Variants in AGBL4 observed in about 807,000 individuals in gnomAD.
AGBL4 encodes AGBL carboxypeptidase 4.
A neutral mutation model predicts 66.4 loss-of-function variants in AGBL4; 58 were observed. The ratio of observed to expected loss-of-function variants is 0.87; its 90% CI spans 0.71 to 1.09. AGBL4 has a LOEUF of 1.09. Among genes scored for constraint, AGBL4 ranks in the 50% least tolerant of loss-of-function variants. AGBL4 has a pLI of 0.00. For missense variants in AGBL4, 579 were observed against 631.0 expected (o/e 0.92, Z 0.88); for synonymous variants, 234 against 222.9 (o/e 1.05, Z -0.44).
chr1:49,076,442 T>C (rs1187888400), intron 4 of AGBL4, among the ~76,000 whole-genome samples: 1 of 152,210 alleles, frequency 6.6e-6, no homozygotes, highest in Non-Finnish European at 1.5e-5. Context: ...GGAGGCCCAA[T>C]TGTATACATT....
At chr1:49,302,806 T>C (rs1358904607) in intron 3 of AGBL4, among the ~76,000 whole-genome samples, 1 of 151,856 alleles carries the variant, frequency 6.6e-6, no homozygotes, top group Non-Finnish European at 1.5e-5. Flanking sequence ...TTTATCCTGA[T>C]GTTCTCCCTC....
chr1:49,716,866 A>G (rs1471975294), intron 2 of AGBL4, among the ~76,000 whole-genome samples: 1 of 152,172 alleles, frequency 6.6e-6, no homozygotes, highest in African/African-American at 2.4e-5. Context: ...GAAAACAGGC[A>G]CAAGACAAGG....
chr1:49,894,307 C>T (rs1316398566), intron 1 of AGBL4, among the ~76,000 whole-genome samples: 1 of 152,078 alleles, frequency 6.6e-6, no homozygotes, highest in African/African-American at 2.4e-5. Context: ...TCTTCAATGC[C>T]TGGACATGAA....
intron 3 of AGBL4, among the ~76,000 whole-genome samples, chr1:49,249,402 G>A (rs961912648): frequency 6.6e-6 from 1 of 151,706 alleles, no homozygotes; most frequent in African/African-American, 2.4e-5. Flanking sequence ...TTAAAAAATG[G>A]GAAAAAGACC....
intron 3 of AGBL4, among the ~76,000 whole-genome samples, chr1:49,499,549 C>T (rs1368680402): frequency 1.3e-5 from 2 of 151,600 alleles, no homozygotes; most frequent in East Asian, 1.9e-4. Flanking sequence ...GAGTCCATTA[C>T]ATCATTCTTA....
At chr1:49,785,533 T>C (rs1405870702) in intron 2 of AGBL4, among the ~76,000 whole-genome samples, 1 of 152,002 alleles carries the variant, frequency 6.6e-6, no homozygotes, top group African/African-American at 2.4e-5. Flanking sequence ...ATTTGCTGAA[T>C]ACCACTAATA....
intron 3 of AGBL4, among the ~76,000 whole-genome samples, chr1:49,410,179 T>C (rs1259218317): frequency 2.0e-5 from 3 of 152,120 alleles, no homozygotes; most frequent in African/African-American, 4.8e-5. Flanking sequence ...GTGTCCCTCA[T>C]AGGGAGGGCA....
intron 2 of AGBL4, among the ~76,000 whole-genome samples, chr1:49,702,680 T>C (rs1647122012): frequency 6.6e-6 from 1 of 151,732 alleles, no homozygotes; most frequent in Admixed American, 6.6e-5. Context: ...CCTATAAATA[T>C]AAACTCAAAA....
chr1:49,989,178 A>C (rs537455051), intron 1 of AGBL4, among the ~76,000 whole-genome samples: 2 of 152,336 alleles, frequency 1.3e-5, no homozygotes, highest in South Asian at 2.1e-4. Context: ...GTTGAAAGGA[A>C]TAACAGATGA....
chr1:49,316,528 A>G (rs1459031740), intron 3 of AGBL4, among the ~76,000 whole-genome samples: 1 of 151,988 alleles, frequency 6.6e-6, no homozygotes, highest in African/African-American at 2.4e-5. Context: ...GTTGCAAAGC[A>G]GAAAAATAAT....
intron 3 of AGBL4, among the ~76,000 whole-genome samples, chr1:49,550,753 T>C (rs181340910): frequency 1.3e-4 from 20 of 152,308 alleles, no homozygotes; most frequent in East Asian, 1.2e-3. Context: ...TCATCTTAAC[T>C]TTTGATAACC....
At chr1:49,215,428 GT>G (rs1311590080) in intron 4 of AGBL4, among the ~76,000 whole-genome samples, 1 of 151,976 alleles carries the variant, frequency 6.6e-6, no homozygotes, top group South Asian at 2.1e-4. Flanking sequence ...AACAGCCTCT[GT>G]TTTTTTGCTG....
intron 5 of AGBL4, among the ~76,000 whole-genome samples, chr1:48,950,794 C>G (rs1323586173): frequency 6.6e-6 from 1 of 152,192 alleles, no homozygotes; most frequent in Non-Finnish European, 1.5e-5. Context: ...ATCTTATAAT[C>G]TGCCCTAGCT....
intron 2 of AGBL4, among the ~76,000 whole-genome samples, chr1:49,832,671 T>C (rs1317959832): frequency 6.6e-6 from 1 of 151,428 alleles, no homozygotes; most frequent in Non-Finnish European, 1.5e-5. Flanking sequence ...GTTTCCTGAC[T>C]TTTTAATGAT....
chr1:49,884,084 T>G (rs1446668391), intron 1 of AGBL4, among the ~76,000 whole-genome samples: 1 of 151,962 alleles, frequency 6.6e-6, no homozygotes, highest in Non-Finnish European at 1.5e-5. Flanking sequence ...ACCACATAGT[T>G]GTTTCACCCA....
At chr1:48,633,262 G>A (rs774478701) in intron 9 of AGBL4, among the ~76,000 whole-genome samples, 11 of 152,056 alleles carry the variant, frequency 7.2e-5, no homozygotes, top group Non-Finnish European at 1.2e-4. Flanking sequence ...CTAATATATC[G>A]CATTTGTTTT....
chr1:48,909,646 C>T (rs950232009), intron 5 of AGBL4, among the ~76,000 whole-genome samples: 5 of 152,132 alleles, frequency 3.3e-5, no homozygotes, highest in African/African-American at 9.7e-5. Flanking sequence ...TGTGATATAT[C>T]AGTATCAACT....
intron 3 of AGBL4, among the ~76,000 whole-genome samples, chr1:49,494,322 T>C (rs577849736): frequency 6.6e-6 from 1 of 152,032 alleles, no homozygotes; most frequent in East Asian, 1.9e-4. Context: ...ATGTGCACAA[T>C]GTGCAGGTTA....
intron 5 of AGBL4, among the ~76,000 whole-genome samples, chr1:48,961,471 T>G (rs1353994927): frequency 6.6e-6 from 1 of 152,174 alleles, no homozygotes; most frequent in Admixed American, 6.5e-5. Context: ...ACCGTTACAC[T>G]CCCTGAGAGA....
Sources: allele counts gnomAD v4.1 joint callset (sites outside exome capture counted in the v4.1 genomes callset), GRCh38; gene constraint gnomAD v4.1.1; transcripts MANE v1.5; gene names NCBI Gene and HGNC (gene_info 2026-07-23, HGNC 2026-07-21).